Variants in RAB28 observed in about 807,000 individuals in gnomAD.
The protein encoded by RAB28 is ras-related protein Rab-28.
A neutral mutation model predicts 31.7 loss-of-function variants in RAB28; 24 were observed. The ratio of observed to expected loss-of-function variants is 0.76; its 90% CI spans 0.55 to 1.06. The LOEUF (loss-of-function observed/expected upper bound fraction) is 1.06, where lower values mean the gene tolerates loss of function less well. Among genes scored for constraint, RAB28 ranks in the 50% least tolerant of loss-of-function variants. RAB28 has a pLI of 0.00. For missense variants in RAB28, 254 were observed against 258.5 expected (o/e 0.98, Z 0.12); for synonymous variants, 100 against 90.4 (o/e 1.11, Z -0.60).
chr4:13,396,770 T>C (rs542594381), intron 4 of RAB28, among the ~76,000 whole-genome samples: 1 of 152,242 alleles, frequency 6.6e-6, no homozygotes, highest in South Asian at 2.1e-4. Flanking sequence ...TTTAAGTGTT[T>C]ACCTTATCAA....
Position 13,411,948 on chromosome 4 carries a change from C to T in RAB28, c.392-30354G>A, listed in dbSNP as rs1712462865. Among the ~76,000 whole-genome samples the T allele has an allele frequency of 2.0e-5, 3 of 148,560 alleles. No homozygotes were observed. The South Asian group carries it at 6.3e-4, about 31-fold the overall frequency. On this transcript the variant is annotated intron_variant, in intron 4 of 6. Coordinates refer to ENST00000330852, the MANE Select transcript of RAB28 (RefSeq NM_001017979.3). ...TTTTATCTATATAAATTATGAGAGA[C>T]AAAATGATTCTAAAATGTTTTTAGG...
At chr4:13,390,525 C>A (rs1240254988) in intron 4 of RAB28, among the ~76,000 whole-genome samples, 1 of 151,692 alleles carries the variant, frequency 6.6e-6, no homozygotes, top group Non-Finnish European at 1.5e-5. Context: ...CCATCCCCAT[C>A]AAGCTACCAT....
In RAB28 at chr4:13,376,578, G is replaced by T. The variant is rs1448149896; in HGVS notation, c.540C>A (p.Ile180=). The T allele has an allele frequency of 6.2e-7, 1 of 1,603,652 alleles. No homozygotes were observed. The highest frequency in any genetic ancestry group is 1.3e-5 in the African/African-American group (1 of 74,694). ...FQKVAAEILG[I]KLNKAEIEQS... ...GTTCTATTTCTGCTTTGTTTAATTT[G>T]ATCCCAAGGATTTCAGCAGCAACTT... is the stretch of plus-strand genomic sequence containing the variant. Residue 180 remains isoleucine (I), a synonymous_variant, in exon 6 of 7, where the codon ATC becomes ATA. Coordinates refer to ENST00000330852, the MANE Select transcript of RAB28 (RefSeq NM_001017979.3).
intron 4 of RAB28, among the ~76,000 whole-genome samples, chr4:13,451,544 T>C (rs1358771303): frequency 6.6e-6 from 1 of 151,794 alleles, no homozygotes; most frequent in Non-Finnish European, 1.5e-5. Context: ...TTTCACTCTG[T>C]TGGTTGTTTC....
intron 4 of RAB28, among the ~76,000 whole-genome samples, chr4:13,434,688 A>G (rs1177651932): frequency 1.3e-5 from 2 of 152,114 alleles, no homozygotes; most frequent in African/African-American, 2.4e-5. Context: ...TCAAAATCAT[A>G]TCTAGCATCT....
intron 4 of RAB28, among the ~76,000 whole-genome samples, chr4:13,398,910 A>G (rs1711598838): frequency 6.6e-6 from 1 of 151,560 alleles, no homozygotes; most frequent in African/African-American, 2.4e-5. Context: ...GAGAGATAGA[A>G]CATTATTTAA....
intron 3 of RAB28, among the ~76,000 whole-genome samples, chr4:13,464,860 T>TA (rs1178003169): frequency 2.6e-5 from 4 of 152,124 alleles, no homozygotes; most frequent in Non-Finnish European, 5.9e-5. Flanking sequence ...ACAGATTTTG[T>TA]AATTACTAGA....
At chr4:13,378,665 C>A (rs1729013079) in intron 5 of RAB28, among the ~76,000 whole-genome samples, 1 of 151,990 alleles carries the variant, frequency 6.6e-6, no homozygotes, top group South Asian at 2.1e-4. Context: ...ATCCTTGATT[C>A]AGCAAAGATA....
rs1306036941 is a variant in RAB28, at chr4:13,448,331, TA to T, written c.391+12367del. ...AAGATTCATCCTAAAAGAAAACAAA[TA>T]AGATGAATTATGCTTTTATTAGCAT... is the stretch of plus-strand genomic sequence containing the variant. On this transcript the variant is annotated intron_variant, in intron 4 of 6. Coordinates refer to ENST00000330852, the MANE Select transcript of RAB28 (RefSeq NM_001017979.3). Among the ~76,000 whole-genome samples the T allele has an allele frequency of 6.6e-5, 10 of 152,214 alleles. No homozygotes were observed. The East Asian group carries it at 1.7e-3, about 26-fold the overall frequency.
At chr4:13,392,780 G>T (rs1230010891) in intron 4 of RAB28, among the ~76,000 whole-genome samples, 3 of 152,076 alleles carry the variant, frequency 2.0e-5, no homozygotes, top group Admixed American at 2.0e-4. Context: ...AAGTATGTGA[G>T]GAAATAAATA....
chr4:13,460,783 T>C lies in RAB28; in HGVS notation c.307A>G (p.Asn103Asp). 1 of 1,613,790 alleles carries C rather than the reference T, an allele frequency of 6.2e-7. No homozygotes were observed. The change falls in exon 4 of 7, where the codon AAT becomes GAT. Residue 103 changes from asparagine (N) to aspartate (D), a missense_variant. Asn to Asp is a conservative substitution (Grantham distance 23, BLOSUM62 1). Transcript: ENST00000330852. ...YDITNYQSFE[N>D]LEDWYTVVKK... ...ACCACAGTATACCAATCTTCTAAAT[T>C]CTCAAAGCTTTGATAATTTGTAATA...
At chr4:13,380,770 A>T (rs1729094799) in intron 5 of RAB28, among the ~76,000 whole-genome samples, 1 of 152,094 alleles carries the variant, frequency 6.6e-6, no homozygotes, top group South Asian at 2.1e-4. Flanking sequence ...AAACACCAAA[A>T]GCTTACGGAC....
At chr4:13,395,827 C>G (rs1190655968) in intron 4 of RAB28, among the ~76,000 whole-genome samples, 2 of 152,022 alleles carry the variant, frequency 1.3e-5, no homozygotes, top group Admixed American at 6.6e-5. Flanking sequence ...GTAAGAGTAT[C>G]TATATTACAC....
At chr4:13,374,248 C>G (rs2108876011) in intron 6 of RAB28, among the ~76,000 whole-genome samples, 1 of 152,160 alleles carries the variant, frequency 6.6e-6, no homozygotes, top group African/African-American at 2.4e-5. Context: ...AGAATTAAAC[C>G]TCAAAGCATA....
rs549901056 is a variant in RAB28 at position 13,379,150 on chromosome 4, G to T, written c.495+2341C>A. 3.4e-5 allele frequency among the ~76,000 whole-genome samples: 5 copies of T among 145,790 alleles called. No homozygotes were observed. The South Asian group carries it at 1.1e-3, about 32-fold the overall frequency. Reference sequence around the variant, plus strand: ...TAACCCAGGAGGCGGAGGCTGCAGTGAGCTGAGATCGCACCACTGCACTCC... The same window carrying T: ...TAACCCAGGAGGCGGAGGCTGCAGTTAGCTGAGATCGCACCACTGCACTCC... On this transcript the variant is annotated intron_variant, in intron 5 of 6. Transcript: ENST00000330852.
chr4:13,466,177 T>C (rs1715832469), intron 3 of RAB28, among the ~76,000 whole-genome samples: 2 of 151,916 alleles, frequency 1.3e-5, no homozygotes, highest in Non-Finnish European at 2.9e-5. Flanking sequence ...ATTTTTTGAA[T>C]TTGACTCCAA....
intron 4 of RAB28, among the ~76,000 whole-genome samples, chr4:13,398,414 T>TA (rs909792657): frequency 2.3e-4 from 35 of 151,760 alleles, no homozygotes; most frequent in East Asian, 7.8e-4. Context: ...TAGAATTGCA[T>TA]AAAAAAAAGA....
chr4:13,475,701 A>T (rs1716331803), intron 2 of RAB28, among the ~76,000 whole-genome samples: 1 of 151,408 alleles, frequency 6.6e-6, no homozygotes, highest in South Asian at 2.1e-4. Flanking sequence ...ATTACCACAG[A>T]CACACACTTT....
At chr4:13,475,407 A>G (rs933346069) in intron 2 of RAB28, among the ~76,000 whole-genome samples, 1 of 151,618 alleles carries the variant, frequency 6.6e-6, no homozygotes, top group African/African-American at 2.4e-5. Context: ...AAAATAAAAG[A>G]TTAGAAACTG....
Sources: allele counts gnomAD v4.1 joint callset (sites outside exome capture counted in the v4.1 genomes callset), GRCh38; gene constraint gnomAD v4.1.1; transcripts MANE v1.5; gene names NCBI Gene and HGNC (gene_info 2026-07-23, HGNC 2026-07-21).